Variants in ABR observed in about 807,000 individuals in gnomAD.
ABR encodes ABR activator of RhoGEF and GTPase.
In ABR, 35 loss-of-function variants were observed where a neutral mutation model predicts 107.2. The observed-to-expected ratio is 0.33, with a 90% CI of 0.25 to 0.43. The LOEUF is 0.43. Among genes scored for constraint, ABR ranks in the 20% least tolerant of loss-of-function variants. The probability of loss-of-function intolerance (pLI) is 1.00; values close to 1 mark genes in which losing one functional copy is unlikely to be tolerated. For synonymous variants in ABR, 498 were observed against 462.0 expected, an observed-to-expected ratio of 1.08 and a Z score of -1.00; for missense variants, 815 against 1,115.2, an observed-to-expected ratio of 0.73 and a Z score of 3.83.
rs1301999809 is a variant in ABR, at chr17:1,004,749, T to TC, written c.*1330dup. 2 of 313,508 alleles carry TC rather than the reference T, an allele frequency of 6.4e-6. No individual in the cohort carries two copies. Among genetic ancestry groups the TC allele is most frequent in the Non-Finnish European group, 1.2e-5 (2 of 171,654 alleles). The allele number at this position is 313,508 out of a possible 1,614,324, so 19.4% of individuals were successfully genotyped here. On this transcript the variant is annotated 3_prime_UTR_variant, in exon 23 of 23. Coordinates refer to ENST00000302538, the MANE Select transcript of ABR (RefSeq NM_021962.5). ...CAGCCCCTAGAGGCGGCTGTCTGAT[T>TC]CCCCACTCTCCCCACAACTTCTGGA...
intron 10 of ABR, among the ~76,000 whole-genome samples, chr17:1,064,667 G>C (rs1331705275): frequency 1.6e-5 from 2 of 127,352 alleles, no homozygotes; most frequent in African/African-American, 5.9e-5. Flanking sequence ...TCTAGACACT[G>C]TTGTTACGTG....
intron 16 of ABR, among the ~76,000 whole-genome samples, chr17:1,045,811 G>C (rs1373383907): frequency 6.6e-6 from 1 of 152,190 alleles, no homozygotes; most frequent in Non-Finnish European, 1.5e-5. Context: ...TGGAGGCCAG[G>C]ACCCCCTCCT....
chr17:1,161,041 C>A (rs185556555), intron 1 of ABR, among the ~76,000 whole-genome samples: 1 of 152,104 alleles, frequency 6.6e-6, no homozygotes, highest in African/African-American at 2.4e-5. Context: ...TGTGGATTCC[C>A]GTTCCAAGGA....
intron 1 of ABR, among the ~76,000 whole-genome samples, chr17:1,145,390 T>C (rs2040483808): frequency 6.6e-6 from 1 of 152,336 alleles, no homozygotes; most frequent in East Asian, 1.9e-4. Context: ...TCCTCAAGAA[T>C]TGATAACAAG....
chr17:1,138,500 C>T (rs753554054), intron 1 of ABR, among the ~76,000 whole-genome samples: 40 of 152,022 alleles, frequency 2.6e-4, no homozygotes, highest in Middle Eastern at 3.4e-3. Context: ...TTTTTAGAGA[C>T]AGAGTCTCGC....
upstream of ABR, among the ~76,000 whole-genome samples, chr17:1,190,469 A>T (rs2042408127): frequency 6.6e-6 from 1 of 152,308 alleles, no homozygotes; most frequent in East Asian, 1.9e-4. Flanking sequence ...CCCCGTCTCT[A>T]CTAAAATTAC....
intron 1 of ABR, among the ~76,000 whole-genome samples, chr17:1,130,787 GAA>G (rs2039789616): frequency 6.6e-6 from 1 of 152,210 alleles, no homozygotes; most frequent in Admixed American, 6.5e-5. Flanking sequence ...AACACAGACA[GAA>G]GAGAAGACAG....
chr17:1,006,060 C>G lies in ABR; in HGVS notation c.*20G>C. 12 of 1,551,120 alleles carry G rather than the reference C, an allele frequency of 7.7e-6. No individual in the cohort carries two copies. Among genetic ancestry groups the G allele is most frequent in the African/African-American group, 2.7e-5 (2 of 73,344 alleles). On this transcript the variant is annotated 3_prime_UTR_variant, in exon 23 of 23. Transcript: ENST00000302538. ...GGAGGGGCTGGTTCCACCACCCGCC[C>G]GCAGCCACCCTGCCTCGGGCTACAC...
chr17:1,053,845 C>T (rs1420194637), intron 14 of ABR, among the ~76,000 whole-genome samples: 1 of 151,282 alleles, frequency 6.6e-6, no homozygotes, highest in Non-Finnish European at 1.5e-5. Flanking sequence ...GGAGTGGTGG[C>T]GCCTGGTCCA....
At chr17:1,174,618 C>T (rs927804933) in intron 1 of ABR, among the ~76,000 whole-genome samples, 1 of 152,180 alleles carries the variant, frequency 6.6e-6, no homozygotes, top group African/African-American at 2.4e-5. Flanking sequence ...GGAAATGTTG[C>T]TTGGGGTAAG....
chr17:1,115,344 G>GC (rs2038935265), intron 2 of ABR: 1 of 152,278 alleles, frequency 6.6e-6, no homozygotes, highest in South Asian at 2.1e-4. Context: ...TTTAACAACG[G>GC]CAGGTCCTCG....
rs1271036642 is a variant in ABR at position 1,078,946 on chromosome 17, T to C, written c.700+384A>G. 1.4e-5 allele frequency: 21 copies of C among 1,526,408 alleles called. No homozygotes were observed. The highest frequency in any genetic ancestry group is 7.9e-6 in the Non-Finnish European group (9 of 1,141,426). The allele number at this position is 1,526,408 out of a possible 1,614,324, so 94.6% of individuals were successfully genotyped here. ...CAGCAGCCCGGCCACTCAGCCACCTTGCTGATGCTGCCGCACGGACTCCAG... is the reference window on the plus strand; with the variant it reads ...CAGCAGCCCGGCCACTCAGCCACCTCGCTGATGCTGCCGCACGGACTCCAG... On this transcript the variant is annotated intron_variant, in intron 6 of 22. Transcript: ENST00000302538. This position sits in a 1 kb window ranked among gnomAD's most constrained non-coding sequence, Gnocchi z 7.5.
chr17:1,172,793 A>G (rs1050501076), intron 1 of ABR, among the ~76,000 whole-genome samples: 10 of 151,940 alleles, frequency 6.6e-5, no homozygotes, highest in African/African-American at 2.4e-4. Flanking sequence ...CACAGCAGCA[A>G]TGGACTTTCT....
chr17:1,107,601 A>G (rs2038347309), intron 2 of ABR, among the ~76,000 whole-genome samples: 1 of 152,160 alleles, frequency 6.6e-6, no homozygotes, highest in South Asian at 2.1e-4. Flanking sequence ...CATGAGGGCC[A>G]CACACCTCCC....
At position 1,056,023 on chromosome 17, in the gene ABR, C is replaced by T. The variant is rs1377967660; in HGVS notation, c.1561+12G>A. Reference sequence around the variant, plus strand: ...ATGGCCCACCCAACCTCGTCCTGGCCAGGGCACTTACTGGCTGATTGCTTA... The same window carrying T: ...ATGGCCCACCCAACCTCGTCCTGGCTAGGGCACTTACTGGCTGATTGCTTA... On this transcript the variant is annotated intron_variant, in intron 14 of 22. Transcript: ENST00000302538. 1 of 1,613,328 alleles carries T rather than the reference C, an allele frequency of 6.2e-7. No individual in the cohort carries two copies. Among genetic ancestry groups the T allele is most frequent in the Non-Finnish European group, 8.5e-7 (1 of 1,179,212 alleles).
intron 2 of ABR, chr17:1,108,830 CCA>C: frequency 8.3e-7 from 1 of 1,210,904 alleles, no homozygotes; most frequent in South Asian, 1.7e-5. Context: ...CCGAGGGCTT[CCA>C]CCCGGCCGCG....
At chr17:1,149,413 T>A (rs185554569) in intron 1 of ABR, among the ~76,000 whole-genome samples, 193 of 147,596 alleles carry the variant, frequency 1.3e-3, no homozygotes, top group African/African-American at 4.6e-3. Context: ...CCAGAATTCA[T>A]TTCTGGTTTT....
chr17:1,058,522 T>C (rs1339956843), intron 11 of ABR, among the ~76,000 whole-genome samples: 2 of 152,028 alleles, frequency 1.3e-5, no homozygotes, highest in East Asian at 1.9e-4. Flanking sequence ...AGCTCCTTCC[T>C]GGGAAGCCAA....
chr17:1,012,573 G>C (rs546622015), intron 18 of ABR, 115 bp downstream of exon 18: 1 of 780,074 alleles, frequency 1.3e-6, no homozygotes, highest in Admixed American at 2.0e-5. Context: ...ACCGCCGAGC[G>C]GGGGGTAACT....
Sources: allele counts gnomAD v4.1 joint callset (sites outside exome capture counted in the v4.1 genomes callset), GRCh38; gene constraint gnomAD v4.1.1; non-coding constraint Gnocchi (gnomAD v3.1); transcripts MANE v1.5; gene names NCBI Gene and HGNC (gene_info 2026-07-23, HGNC 2026-07-21).